The following METTL4 variants were observed in gnomAD, a reference collection of about 807,000 sequenced individuals.
METTL4 encodes N(6)-adenine-specific methyltransferase METTL4.
METTL4 carries 40 observed loss-of-function variants against 54.0 expected under a neutral mutation model. The ratio of observed to expected loss-of-function variants is 0.74; its 90% CI spans 0.58 to 0.96. The LOEUF is 0.96. Among genes scored for constraint, METTL4 ranks in the 50% least tolerant of loss-of-function variants. METTL4 has a pLI of 0.00. For synonymous variants in METTL4, 169 were observed against 183.8 expected, an observed-to-expected ratio of 0.92 and a Z score of 0.65; for missense variants, 525 against 549.0, an observed-to-expected ratio of 0.96 and a Z score of 0.44.
intron 8 of METTL4, chr18:2,540,234 A>ATT: frequency 1.0e-6 from 1 of 984,968 alleles, no homozygotes; most frequent in African/African-American, 1.7e-5. Flanking sequence ...ACTTAAATCA[A>ATT]TTTAATCTTG....
chr18:2,564,074 T>G (rs1365334388), intron 2 of METTL4, among the ~76,000 whole-genome samples: 1 of 152,074 alleles, frequency 6.6e-6, no homozygotes, highest in African/African-American at 2.4e-5. Flanking sequence ...CAAAATGGAT[T>G]GTAAAAGGTC....
intron 3 of METTL4, among the ~76,000 whole-genome samples, chr18:2,556,141 A>C (rs2072235603): frequency 6.6e-6 from 1 of 152,150 alleles, no homozygotes; most frequent in South Asian, 2.1e-4. Context: ...GAAACTACCA[A>C]AGGCAAGGAA....
intron 6 of METTL4, among the ~76,000 whole-genome samples, chr18:2,545,667 C>T (rs935529938): frequency 2.0e-5 from 3 of 151,956 alleles, no homozygotes; most frequent in African/African-American, 4.8e-5. Flanking sequence ...ACTCTTTATC[C>T]GATATCAATG....
intron 5 of METTL4, 119 bp downstream of exon 5, chr18:2,552,576 A>G: frequency 2.9e-6 from 2 of 679,852 alleles, no homozygotes; most frequent in Non-Finnish European, 5.0e-6. Context: ...AAAACTATTG[A>G]AAGCATTTTA....
chr18:2,540,301 G>A, intron 8 of METTL4: 1 of 984,304 alleles, frequency 1.0e-6, no homozygotes, highest in South Asian at 4.7e-5. Flanking sequence ...ATAAAATTCA[G>A]ATAAGAAAAA....
intron 1 of METTL4, among the ~76,000 whole-genome samples, chr18:2,570,789 A>G (rs548481682): frequency 6.6e-6 from 1 of 152,292 alleles, no homozygotes; most frequent in African/African-American, 2.4e-5. Context: ...AATTGCTACC[A>G]GACCCAAGTA....
chr18:2,566,052 AAT>A (rs1196299490), intron 2 of METTL4, among the ~76,000 whole-genome samples: 1 of 31,984 alleles, frequency 3.1e-5, no homozygotes, highest in African/African-American at 1.6e-4. Flanking sequence ...GTCTCAAATA[AAT>A]AAATAAATAA....
chr18:2,567,892 TGCAATTTTACCA>T (rs1351963566), intron 1 of METTL4, among the ~76,000 whole-genome samples: 1 of 152,132 alleles, frequency 6.6e-6, no homozygotes, highest in Non-Finnish European at 1.5e-5. Flanking sequence ...TCAGAGAAAA[TGCAATTTTACCA>T]GCACATCAGA....
At chr18:2,559,776 C>G (rs972370970) in intron 3 of METTL4, among the ~76,000 whole-genome samples, 1 of 152,114 alleles carries the variant, frequency 6.6e-6, no homozygotes, top group Non-Finnish European at 1.5e-5. Context: ...CTCTCTGTCA[C>G]CCAGGCTAGA....
At chr18:2,562,071 TA>T (rs893743517) in intron 3 of METTL4, 10 of 151,966 alleles carry the variant, frequency 6.6e-5, no homozygotes, top group South Asian at 4.1e-4. Flanking sequence ...TGGCTATGAT[TA>T]AAAAAAAGGG....
At chr18:2,561,082 G>A (rs1222166085) in intron 3 of METTL4, 1 of 151,996 alleles carries the variant, frequency 6.6e-6, no homozygotes, top group African/African-American at 2.4e-5. Flanking sequence ...TGCCTAACAT[G>A]TTATTTCCAA....
At chr18:2,543,113 CAAA>C (rs34850061) in intron 8 of METTL4, among the ~76,000 whole-genome samples, 2 of 85,410 alleles carry the variant, frequency 2.3e-5, no homozygotes. Flanking sequence ...GACTCCATCT[CAAA>C]AAAAAAAAAA....
intron 5 of METTL4, among the ~76,000 whole-genome samples, chr18:2,550,428 T>C (rs1403441215): frequency 6.6e-6 from 1 of 152,230 alleles, no homozygotes; most frequent in Non-Finnish European, 1.5e-5. Flanking sequence ...GCAGGCACTG[T>C]AGAAATTAGT....
At chr18:2,569,909 A>C (rs2072477372) in intron 1 of METTL4, among the ~76,000 whole-genome samples, 1 of 152,198 alleles carries the variant, frequency 6.6e-6, no homozygotes, top group Non-Finnish European at 1.5e-5. Flanking sequence ...TAGGAAATTA[A>C]TAGTGGGTCC....
rs750266620 is a variant in METTL4 at position 2,554,838 on chromosome 18, T to C, written c.660A>G (p.Gln220=). ...TAACAGATGTATCCTCTTCCACCAA[T>C]TGTAATGTCTGATGTTCCATTTCAT... The part of the protein sequence containing the change: ...SLNEMEHQTL[Q]LVEEDTSVTE... The change falls in exon 4 of 9, where the codon CAA becomes CAG. Residue 220 remains glutamine (Q), a synonymous_variant. Coordinates refer to ENST00000574538, the MANE Select transcript of METTL4 (RefSeq NM_022840.5). 34 of 1,613,842 alleles carry C rather than the reference T, an allele frequency of 2.1e-5. 1 individual carries two copies. The highest frequency in any genetic ancestry group is 5.5e-5 in the South Asian group (5 of 91,078).
intron 8 of METTL4, among the ~76,000 whole-genome samples, chr18:2,541,540 G>T (rs926147971): frequency 3.9e-5 from 6 of 152,072 alleles, no homozygotes; most frequent in African/African-American, 1.2e-4. Flanking sequence ...CTAAAATTTT[G>T]ATTTAAATAC....
At position 2,544,253 on chromosome 18, in the gene METTL4, G is replaced by T. The variant is rs771656158; in HGVS notation, c.1215C>A (p.Asp405Glu). ...NADVNVLPIP[D>E]HKLIVSVPCT... Reference sequence around the variant, plus strand: ...AGGGCACGCTGACAATTAATTTGTGGTCTGGAATGGGGAGCACGTTTACAT... The same window carrying T: ...AGGGCACGCTGACAATTAATTTGTGTTCTGGAATGGGGAGCACGTTTACAT... Residue 405 changes from aspartate (D) to glutamate (E), a missense_variant, in exon 8 of 9, where the codon GAC (aspartate) becomes GAA (glutamate). Asp to Glu is a conservative substitution (Grantham distance 45, BLOSUM62 2). Coordinates refer to ENST00000574538, the MANE Select transcript of METTL4 (RefSeq NM_022840.5). 1.2e-6 allele frequency: 2 copies of T among 1,613,218 alleles called. No individual in the cohort carries two copies. Among genetic ancestry groups the T allele is most frequent in the African/African-American group, 2.7e-5 (2 of 74,856 alleles).
intron 3 of METTL4, among the ~76,000 whole-genome samples, chr18:2,559,212 C>T (rs1567974703): frequency 6.6e-6 from 1 of 152,000 alleles, no homozygotes; most frequent in South Asian, 2.1e-4. Context: ...GTAGAAACTA[C>T]GCAAAAGTCC....
At chr18:2,556,964 A>C (rs1228175132) in intron 3 of METTL4, among the ~76,000 whole-genome samples, 1 of 152,198 alleles carries the variant, frequency 6.6e-6, no homozygotes, top group Admixed American at 6.5e-5. Context: ...GGCTGGAACA[A>C]CAAAGAGAAA....
Sources: gnomAD v4.1 joint callset for allele counts (sites outside exome capture counted in the v4.1 genomes callset) on GRCh38, gnomAD v4.1.1 for gene constraint, MANE v1.5 for transcripts, NCBI Gene and HGNC (gene_info 2026-07-23, HGNC 2026-07-21) for gene names.